The following FHOD3 variants were observed in gnomAD, a reference collection of about 807,000 sequenced individuals.
FHOD3 encodes the protein FH1/FH2 domain-containing protein 3.
In FHOD3, 90 loss-of-function variants were observed where a neutral mutation model predicts 173.0. That is an observed-to-expected ratio of 0.52 (90% confidence interval 0.44 to 0.62). FHOD3 has a LOEUF of 0.62. Among genes scored for constraint, FHOD3 ranks in the 20% least tolerant of loss-of-function variants. FHOD3 has a pLI of 0.00. For missense variants in FHOD3, 1,945 were observed against 2,034.7 expected (o/e 0.96, Z 0.85); for synonymous variants, 828 against 823.0 (o/e 1.01, Z -0.10).
At chr18:36,503,611 G>C (rs60086559) in intron 4 of FHOD3, among the ~76,000 whole-genome samples, 1 of 151,986 alleles carries the variant, frequency 6.6e-6, no homozygotes, top group Non-Finnish European at 1.5e-5. Flanking sequence ...TGCATACCTC[G>C]GAAATGCCTT....
intron 19 of FHOD3, 112 bp from the exon 20 acceptor site, chr18:36,730,534 C>A: frequency 9.5e-7 from 1 of 1,056,840 alleles, no homozygotes. Context: ...CTGAGCTGAA[C>A]TGGGGCCATT....
At chr18:36,323,792 A>C (rs1369406707) in intron 1 of FHOD3, among the ~76,000 whole-genome samples, 1 of 152,268 alleles carries the variant, frequency 6.6e-6, no homozygotes, top group African/African-American at 2.4e-5. Context: ...TGATGCCCAT[A>C]GGGGCACAGA....
intron 18 of FHOD3, chr18:36,710,880 A>G (rs2040135448): frequency 6.6e-6 from 1 of 152,222 alleles, no homozygotes; most frequent in African/African-American, 2.4e-5. Context: ...TTTATTTATT[A>G]GGAATAGCTT....
At position 36,301,552 on chromosome 18, in the gene FHOD3, A is replaced by G. The variant is rs528959819; in HGVS notation, c.165+3552A>G. ...GGGAGATGTTCATTTTGATGGTTATATGTTCTAGGTTGGGCTAAGCAAGAC... is the reference window on the plus strand; with the variant it reads ...GGGAGATGTTCATTTTGATGGTTATGTGTTCTAGGTTGGGCTAAGCAAGAC... On this transcript the variant is annotated intron_variant, in intron 1 of 28. Coordinates refer to ENST00000590592, the MANE Select transcript of FHOD3 (RefSeq NM_001281740.3). Among the ~76,000 whole-genome samples the G allele has an allele frequency of 2.0e-4, 30 of 152,318 alleles. No individual in the cohort carries two copies. The South Asian group carries it at 3.5e-3, about 18-fold the overall frequency.
intron 3 of FHOD3, among the ~76,000 whole-genome samples, chr18:36,380,722 C>A (rs1445924832): frequency 6.6e-6 from 1 of 150,490 alleles, no homozygotes; most frequent in African/African-American, 2.5e-5. Context: ...TTTACGAGTA[C>A]TTCAAAAGTT....
At chr18:36,527,463 C>G (rs1482818647) in intron 5 of FHOD3, among the ~76,000 whole-genome samples, 1 of 152,202 alleles carries the variant, frequency 6.6e-6, no homozygotes, top group Non-Finnish European at 1.5e-5. Context: ...TGATTCTTCT[C>G]TCTTCACTTT....
chr18:36,670,562 T>C (rs925351558), intron 14 of FHOD3, among the ~76,000 whole-genome samples: 1 of 152,248 alleles, frequency 6.6e-6, no homozygotes, highest in East Asian at 1.9e-4. Flanking sequence ...TTTTAACATG[T>C]TAAATATTTT....
At chr18:36,665,499 T>C (rs368020061) in intron 14 of FHOD3, among the ~76,000 whole-genome samples, 43 of 151,920 alleles carry the variant, frequency 2.8e-4, no homozygotes, top group African/African-American at 8.9e-4. Flanking sequence ...TCTGTTGTTG[T>C]GGGGGATACC....
chr18:36,688,429 T>C (rs941268645), intron 16 of FHOD3, among the ~76,000 whole-genome samples: 1 of 152,234 alleles, frequency 6.6e-6, no homozygotes, highest in Admixed American at 6.5e-5. Context: ...GATGCTTAGA[T>C]CAACCTCTTA....
intron 14 of FHOD3, among the ~76,000 whole-genome samples, chr18:36,676,719 G>A (rs1172833781): frequency 6.6e-6 from 1 of 152,184 alleles, no homozygotes; most frequent in Non-Finnish European, 1.5e-5. Context: ...TCTGATAGGT[G>A]TGAAACAGTA....
rs529927663 is a variant in FHOD3, at chr18:36,533,005, G to A, written c.511+20462G>A. On this transcript the variant is annotated intron_variant, in intron 5 of 28. Coordinates refer to ENST00000590592, the MANE Select transcript of FHOD3 (RefSeq NM_001281740.3). ...CTGCCTGCCTGGGCTTCCCACAGTGGGAGGGGCTTTGTAAGGATCCAGGTG... is the reference window on the plus strand; with the variant it reads ...CTGCCTGCCTGGGCTTCCCACAGTGAGAGGGGCTTTGTAAGGATCCAGGTG... Among the ~76,000 whole-genome samples, 6 of 152,328 alleles carry A rather than the reference G, an allele frequency of 3.9e-5. No homozygotes were observed. The East Asian group carries it at 1.2e-3, about 29-fold the overall frequency.
intron 1 of FHOD3, among the ~76,000 whole-genome samples, chr18:36,308,548 A>G (rs1273745212): frequency 6.6e-6 from 1 of 152,158 alleles, no homozygotes; most frequent in Non-Finnish European, 1.5e-5. Context: ...GTCTCTACCC[A>G]TTTTGAAGAA....
At chr18:36,667,620 T>A (rs2037264618) in intron 14 of FHOD3, among the ~76,000 whole-genome samples, 2 of 151,972 alleles carry the variant, frequency 1.3e-5, no homozygotes, top group African/African-American at 2.4e-5. Context: ...AAAGGTATGG[T>A]AAAAATACAG....
chr18:36,431,369 A>T (rs968021358), intron 3 of FHOD3, among the ~76,000 whole-genome samples: 6 of 152,166 alleles, frequency 3.9e-5, no homozygotes, highest in African/African-American at 1.2e-4. Flanking sequence ...GGAGGAAAGT[A>T]TTGGATGGTA....
At position 36,649,422 on chromosome 18, in the gene FHOD3, C is replaced by T. The variant is rs1487790682; in HGVS notation, c.1286+17C>T. On this transcript the variant is annotated intron_variant, in intron 11 of 28. Coordinates refer to ENST00000590592, the MANE Select transcript of FHOD3 (RefSeq NM_001281740.3). ...CAAGGACAGGTACCTAGGACTGGAGCCTCCCAAGCTCACACTAAAAGTGGG... is the reference window on the plus strand; with the variant it reads ...CAAGGACAGGTACCTAGGACTGGAGTCTCCCAAGCTCACACTAAAAGTGGG... 6.6e-7 allele frequency: 1 copy of T among 1,524,900 alleles called. No individual in the cohort carries two copies. The highest frequency in any genetic ancestry group is 8.8e-7 in the Non-Finnish European group (1 of 1,137,946). The allele number at this position is 1,524,900 out of a possible 1,614,324, so 94.5% of individuals were successfully genotyped here. A position where few individuals can be genotyped will look rare whatever the true frequency, so the allele number is the denominator to read the frequency against.
intron 3 of FHOD3, among the ~76,000 whole-genome samples, chr18:36,445,471 A>G (rs1313995300): frequency 6.6e-6 from 1 of 152,156 alleles, no homozygotes; most frequent in Non-Finnish European, 1.5e-5. Context: ...TAATGTATGG[A>G]AAGTACTTTT....
At chr18:36,606,377 G>A (rs2032072339) in intron 8 of FHOD3, among the ~76,000 whole-genome samples, 2 of 152,076 alleles carry the variant, frequency 1.3e-5, no homozygotes, top group Non-Finnish European at 2.9e-5. Flanking sequence ...TAGGGGAAGA[G>A]AGGAGAAGGG....
intron 25 of FHOD3, 27 bp from the exon 26 acceptor site, chr18:36,759,091 C>A: frequency 3.3e-6 from 5 of 1,533,474 alleles, no homozygotes; most frequent in Non-Finnish European, 4.4e-6. Flanking sequence ...TCTTTTCCGT[C>A]CTGTCCTGTC....
At chr18:36,612,130 G>A in intron 9 of FHOD3, 35 bp downstream of exon 9, 1 of 1,595,840 alleles carries the variant, frequency 6.3e-7, no homozygotes, top group African/African-American at 1.3e-5. Flanking sequence ...GTATCGTACA[G>A]CTTTGGCAAT....
Sources: gnomAD v4.1 joint callset for allele counts (sites outside exome capture counted in the v4.1 genomes callset) on GRCh38, gnomAD v4.1.1 for gene constraint, MANE v1.5 for transcripts, NCBI Gene and HGNC (gene_info 2026-07-23, HGNC 2026-07-21) for gene names.